NFIC: variants seen among roughly 807,000 people sequenced by gnomAD.
The protein encoded by NFIC is nuclear factor I C.
A neutral mutation model predicts 54.4 loss-of-function variants in NFIC; 12 were observed. The observed-to-expected ratio is 0.22, with a 90% CI of 0.14 to 0.36. The LOEUF is 0.36. Ranked by LOEUF, NFIC falls within the 10% of genes least tolerant of loss-of-function variation. The probability of loss-of-function intolerance (pLI) is 1.00; values close to 1 mark genes in which losing one functional copy is unlikely to be tolerated. For missense variants in NFIC, 575 were observed against 718.2 expected, an observed-to-expected ratio of 0.80 and a Z score of 2.28; for synonymous variants, 322 against 319.2, an observed-to-expected ratio of 1.01 and a Z score of -0.09.
At chr19:3,429,109 A>C (rs2082073040) in intron 3 of NFIC, among the ~76,000 whole-genome samples, 1 of 143,118 alleles carries the variant, frequency 7.0e-6, no homozygotes, top group African/African-American at 2.6e-5. Flanking sequence ...ATATAGCAAG[A>C]CCCTATCTCT....
chr19:3,451,440 T>C (rs1299731306), intron 7 of NFIC, among the ~76,000 whole-genome samples: 2 of 151,304 alleles, frequency 1.3e-5, no homozygotes, highest in African/African-American at 2.4e-5. Context: ...TGAGACCAGC[T>C]TGGGCAACAT....
chr19:3,366,742 G>T, intron 1 of NFIC, 76 bp downstream of exon 1: 1 of 1,125,700 alleles, frequency 8.9e-7, no homozygotes, highest in African/African-American at 1.6e-5. Flanking sequence ...GAAGCAGGAG[G>T]AGGCGGGACG....
At chr19:3,409,340 C>A (rs1371360362) in intron 2 of NFIC, among the ~76,000 whole-genome samples, 2 of 152,200 alleles carry the variant, frequency 1.3e-5, no homozygotes, top group Non-Finnish European at 2.9e-5. Context: ...CCGTCACATC[C>A]TCAGAGAGGT....
At chr19:3,392,011 C>A (rs546597797) in intron 2 of NFIC, among the ~76,000 whole-genome samples, 1 of 151,594 alleles carries the variant, frequency 6.6e-6, no homozygotes, top group Non-Finnish European at 1.5e-5. Context: ...TGCTTTACTG[C>A]CTCATCTGTG....
intron 2 of NFIC, among the ~76,000 whole-genome samples, chr19:3,405,943 A>C (rs1480395138): frequency 6.6e-6 from 1 of 151,410 alleles, no homozygotes; most frequent in East Asian, 2.0e-4. Context: ...TTTGAAACAG[A>C]GTCCTCCTGC....
rs559619858 is a variant in NFIC, at chr19:3,422,320, C to T, written c.563-2786C>T. Among the ~76,000 whole-genome samples, 13 of 152,012 alleles carry T rather than the reference C, an allele frequency of 8.6e-5. No individual in the cohort carries two copies. In the East Asian group the frequency reaches 2.0e-3, roughly 23 times the overall value. On this transcript the variant is annotated intron_variant, in intron 2 of 10. Transcript: ENST00000443272. ...AACTCCTGGCCTCAAGCGATCCTCCCGCTTCGGCCTCCCAAAGTGCTGAGA... is the reference window on the plus strand; with the variant it reads ...AACTCCTGGCCTCAAGCGATCCTCCTGCTTCGGCCTCCCAAAGTGCTGAGA...
At position 3,396,687 on chromosome 19, in the gene NFIC, G is replaced by A. The variant is rs539851229; in HGVS notation, c.562+14444G>A. ...GCAATGGCCCAGGGCCGAGCACGGC[G>A]GCTCACACCTGTAATCCCAGCACTT... On this transcript the variant is annotated intron_variant, in intron 2 of 10. Transcript: ENST00000443272. Among the ~76,000 whole-genome samples the A allele has an allele frequency of 1.3e-4, 20 of 152,310 alleles. No individual in the cohort carries two copies. The East Asian group carries it at 1.5e-3, about 12-fold the overall frequency.
intron 2 of NFIC, among the ~76,000 whole-genome samples, chr19:3,388,050 G>A (rs7255404): frequency 1.0e-3 from 155 of 152,250 alleles, no homozygotes; most frequent in Non-Finnish European, 1.9e-3. Flanking sequence ...GCCCCGAGCC[G>A]CCAGCCCAGA....
At chr19:3,417,092 AG>A (rs2081871213) in intron 2 of NFIC, among the ~76,000 whole-genome samples, 1 of 149,580 alleles carries the variant, frequency 6.7e-6, no homozygotes, top group Non-Finnish European at 1.5e-5. Context: ...TCACCATGTT[AG>A]CCAGGATGGT....
At chr19:3,429,164 C>G (rs2082076819) in intron 3 of NFIC, among the ~76,000 whole-genome samples, 1 of 134,668 alleles carries the variant, frequency 7.4e-6, no homozygotes, top group Non-Finnish European at 1.6e-5. Flanking sequence ...CACACACACA[C>G]ACACACACAC....
upstream of NFIC, among the ~76,000 whole-genome samples, chr19:3,363,269 ATTTT>A (rs1178364391): frequency 0.067 from 2,413 of 36,192 alleles, 58 homozygotes; most frequent in Middle Eastern, 0.17. Context: ...ATATATATAT[ATTTT>A]TTTTTTTTTT....
Position 3,370,953 on chromosome 19 carries a change from T to C in NFIC, c.30+4287T>C, listed in dbSNP as rs2080997376. ...CCAGTTCACATCCATGAGCACACGCTGGGCGCACACGCGTGCACACTCCCT... is the reference window on the plus strand; with the variant it reads ...CCAGTTCACATCCATGAGCACACGCCGGGCGCACACGCGTGCACACTCCCT... On this transcript the variant is annotated intron_variant, in intron 1 of 10. Coordinates refer to ENST00000443272, the MANE Select transcript of NFIC (RefSeq NM_001245002.2). The surrounding 1 kb of genome is among the most constrained non-coding windows in gnomAD (Gnocchi z 5.2). Among the ~76,000 whole-genome samples, 1 of 152,210 alleles carries C rather than the reference T, an allele frequency of 6.6e-6. No homozygotes were observed. The highest frequency in any genetic ancestry group is 1.5e-5 in the Non-Finnish European group (1 of 68,040).
At chr19:3,424,734 G>C (rs937832773) in intron 2 of NFIC, among the ~76,000 whole-genome samples, 2 of 152,224 alleles carry the variant, frequency 1.3e-5, no homozygotes, top group African/African-American at 4.8e-5. Flanking sequence ...CTTGCTCAGG[G>C]TCGCACAGCA....
At position 3,382,641 on chromosome 19, in the gene NFIC, G is replaced by A. The variant is rs185349590; in HGVS notation, c.562+398G>A. 4.0e-5 allele frequency among the ~76,000 whole-genome samples: 6 copies of A among 149,220 alleles called. No individual in the cohort carries two copies. The East Asian group carries it at 1.2e-3, about 31-fold the overall frequency. ...AGGGTCTGAGGGAGGAGGCTGGTGC[G>A]TGTAGATGTGATGTGGTGGTCCAAG... is the stretch of plus-strand genomic sequence containing the variant. On this transcript the variant is annotated intron_variant, in intron 2 of 10. Transcript: ENST00000443272.
intron 10 of NFIC, among the ~76,000 whole-genome samples, chr19:3,457,217 G>A (rs2082572886): frequency 1.3e-5 from 2 of 152,224 alleles, no homozygotes; most frequent in South Asian, 4.1e-4. Flanking sequence ...GATGGGGCAG[G>A]GGCCAGCGTT....
chr19:3,396,043 G>T (rs987078350), intron 2 of NFIC, among the ~76,000 whole-genome samples: 3 of 152,110 alleles, frequency 2.0e-5, no homozygotes, highest in African/African-American at 4.8e-5. Context: ...CTTCCATATT[G>T]GTTAGGGCTG....
intron 1 of NFIC, among the ~76,000 whole-genome samples, chr19:3,367,233 G>A (rs2080907289): frequency 6.6e-6 from 1 of 152,228 alleles, no homozygotes; most frequent in Non-Finnish European, 1.5e-5. Flanking sequence ...TGCATGGAGG[G>A]GGAGGGGGCA....
intron 9 of NFIC, among the ~76,000 whole-genome samples, chr19:3,455,376 A>C (rs2082535641): frequency 6.6e-6 from 1 of 150,950 alleles, no homozygotes; most frequent in Admixed American, 6.6e-5. Context: ...TGTAGGATCC[A>C]CTCAGGGCTC....
chr19:3,446,110 G>A (rs1360710449), intron 6 of NFIC, among the ~76,000 whole-genome samples: 2 of 152,176 alleles, frequency 1.3e-5, no homozygotes, highest in Admixed American at 6.5e-5. Flanking sequence ...ATTGAGTTAC[G>A]TCACTGCTCA....
Sources: gnomAD v4.1 joint callset for allele counts (sites outside exome capture counted in the v4.1 genomes callset) on GRCh38, gnomAD v4.1.1 for gene constraint, Gnocchi (gnomAD v3.1) non-coding constraint, MANE v1.5 for transcripts, NCBI Gene and HGNC (gene_info 2026-07-23, HGNC 2026-07-21) for gene names.